FAM120C: variants seen among roughly 807,000 people sequenced by gnomAD.
FAM120C encodes constitutive coactivator of PPAR-gamma-like protein 2.
In FAM120C, 14 loss-of-function variants were observed where a neutral mutation model predicts 71.2. The ratio of observed to expected loss-of-function variants is 0.20; its 90% CI spans 0.13 to 0.31. The LOEUF is 0.31. Among genes scored for constraint, FAM120C ranks in the 10% least tolerant of loss-of-function variants. The pLI, the probability that FAM120C is intolerant of heterozygous loss-of-function variation, is 1.00. For synonymous variants in FAM120C, 354 were observed against 353.2 expected, an observed-to-expected ratio of 1.00 and a Z score of -0.03; for missense variants, 500 against 879.0, an observed-to-expected ratio of 0.57 and a Z score of 5.45.
intron 5 of FAM120C, among the ~76,000 whole-genome samples, chrX:54,136,182 TAG>T (rs1429372629): frequency 1.8e-5 from 2 of 111,286 alleles, no homozygotes; most frequent in Non-Finnish European, 3.8e-5. Flanking sequence ...GTATTTTTCA[TAG>T]AGACGGAGTT....
At chrX:54,098,162 G>A (rs1557123646) in intron 10 of FAM120C, among the ~76,000 whole-genome samples, 1 of 105,703 alleles carries the variant, frequency 9.5e-6, no homozygotes, top group Non-Finnish European at 1.9e-5. Context: ...CTGCCTCAGC[G>A]TCCCAAGTAG....
At position 54,086,927 on chromosome X, in the gene FAM120C, A is replaced by G. The variant is rs111275729; in HGVS notation, c.2637+828T>C. Among the ~76,000 whole-genome samples the G allele has an allele frequency of 3.3e-3, 368 of 110,288 alleles. 4 individuals are homozygous for G. Among genetic ancestry groups the G allele is most frequent in the African/African-American group, 0.012 (353 of 30,383 alleles). On this transcript the variant is annotated intron_variant, in intron 12 of 15. Coordinates refer to ENST00000375180, the MANE Select transcript of FAM120C (RefSeq NM_017848.6). ...CAAAAAACTATGGATAGTGACAAAAAACAGGAGGTGTGCTGGGTAGTCTGC... is the reference window on the plus strand; with the variant it reads ...CAAAAAACTATGGATAGTGACAAAAGACAGGAGGTGTGCTGGGTAGTCTGC...
intron 2 of FAM120C, among the ~76,000 whole-genome samples, chrX:54,158,701 G>A (rs1032314355): frequency 1.8e-5 from 2 of 111,253 alleles, no homozygotes; most frequent in Non-Finnish European, 3.8e-5. Context: ...CCTGGGAGGC[G>A]GAGATTGCAG....
At chrX:54,094,517 T>C (rs1208756537) in intron 10 of FAM120C, among the ~76,000 whole-genome samples, 1 of 109,386 alleles carries the variant, frequency 9.1e-6, no homozygotes, top group African/African-American at 3.3e-5. Context: ...TTGTAATAAG[T>C]AAAGAAGAAA....
intron 13 of FAM120C, among the ~76,000 whole-genome samples, chrX:54,082,537 T>C (rs1557121462): frequency 3.7e-5 from 4 of 109,110 alleles, no homozygotes; most frequent in Admixed American, 9.9e-5. Flanking sequence ...GCCTCCTGAG[T>C]AGCTGGGACT....
At position 54,069,036 on chromosome X, in the gene FAM120C, T is replaced by C. The variant is rs2066699496; in HGVS notation, c.*3997A>G. 8.9e-6 allele frequency: 1 copy of C among 112,110 alleles called. No homozygotes were observed. Among genetic ancestry groups the C allele is most frequent in the Non-Finnish European group, 1.9e-5 (1 of 53,212 alleles). The allele number at this position is 112,110 out of a possible 1,213,427, so 9.2% of individuals were successfully genotyped here. A position where few individuals can be genotyped will look rare whatever the true frequency, so the allele number is the denominator to read the frequency against. On this transcript the variant is annotated 3_prime_UTR_variant, in exon 16 of 16. Transcript: ENST00000375180. ...AAAGTACAGGGGCAATGTCAAAAGC[T>C]GAAATGGGCACCCTAGCACAGGGGA...
chrX:54,089,228 C>T (rs1198047923), intron 11 of FAM120C, among the ~76,000 whole-genome samples: 4 of 111,084 alleles, frequency 3.6e-5, no homozygotes, highest in African/African-American at 1.3e-4. Context: ...TTTTAAGACA[C>T]AGAAAATATG....
intron 9 of FAM120C, among the ~76,000 whole-genome samples, chrX:54,118,724 TTA>T (rs1557127094): frequency 6.8e-5 from 6 of 88,196 alleles, no homozygotes; most frequent in African/African-American, 1.3e-4. Flanking sequence ...TTTTTTTTTT[TTA>T]ATTATACTCT....
At position 54,158,748 on chromosome X, in the gene FAM120C, G is replaced by A. The variant is rs973418613; in HGVS notation, c.946+622C>T. 9.9e-5 allele frequency among the ~76,000 whole-genome samples: 11 copies of A among 111,144 alleles called. 1 individual carries two copies. The East Asian group carries it at 2.5e-3, about 25-fold the overall frequency. The stretch of plus-strand genomic sequence containing the variant: ...CGTGCCACTACACTCCAGCCTGGGC[G>A]ACACAGCGAGACTCTGTCTCAAAAA... On this transcript the variant is annotated intron_variant, in intron 2 of 15. Coordinates refer to ENST00000375180, the MANE Select transcript of FAM120C (RefSeq NM_017848.6).
chrX:54,111,221 CA>C (rs1376389681), intron 10 of FAM120C, among the ~76,000 whole-genome samples: 25 of 109,931 alleles, frequency 2.3e-4, no homozygotes, highest in African/African-American at 7.6e-4. Context: ...ATCCTGTCTC[CA>C]AAAAAAGTAA....
chrX:54,169,843 C>T (rs782740991), intron 1 of FAM120C, among the ~76,000 whole-genome samples: 1 of 112,270 alleles, frequency 8.9e-6, no homozygotes, highest in East Asian at 2.8e-4. Context: ...AAATATGCAT[C>T]ACTACATTGT....
Position 54,070,077 on chromosome X carries a change from C to G in FAM120C, c.*2956G>C. Reference sequence around the variant, plus strand: ...TTCAAGTGGTGAAGCAAAGATCAGACCCCACCTTCCACAATTTGTCCTCCA... The same window carrying G: ...TTCAAGTGGTGAAGCAAAGATCAGAGCCCACCTTCCACAATTTGTCCTCCA... On this transcript the variant is annotated 3_prime_UTR_variant, in exon 16 of 16. Transcript: ENST00000375180. The G allele has an allele frequency of 8.9e-6, 1 of 111,957 alleles. No homozygotes were observed. The highest frequency in any genetic ancestry group is 9.5e-5 in the Admixed American group (1 of 10,493). 9.2% of individuals were successfully genotyped at this position (111,957 alleles called of 1,213,427 possible).
chrX:54,089,930 G>A (rs1603352603), intron 11 of FAM120C, among the ~76,000 whole-genome samples: 1 of 109,456 alleles, frequency 9.1e-6, no homozygotes. Flanking sequence ...CTGCACTCCA[G>A]CCTAGGCAGC....
intron 9 of FAM120C, among the ~76,000 whole-genome samples, chrX:54,125,506 A>T (rs1185058374): frequency 3.6e-5 from 4 of 111,617 alleles, no homozygotes; most frequent in Non-Finnish European, 7.5e-5. Context: ...GGGTCTCTCC[A>T]TGTTGCCCAG....
chrX:54,077,287 G>A (rs1262396519), intron 15 of FAM120C, among the ~76,000 whole-genome samples: 3 of 111,683 alleles, frequency 2.7e-5, no homozygotes, highest in Non-Finnish European at 5.6e-5. Flanking sequence ...AGCATAGCAC[G>A]GGGCTTTGCA....
intron 1 of FAM120C, among the ~76,000 whole-genome samples, chrX:54,176,171 G>A (rs1412450040): frequency 4.5e-5 from 5 of 111,058 alleles, no homozygotes; most frequent in Admixed American, 2.9e-4. Context: ...GGTGGCTCAC[G>A]CCTGTAATCC....
chrX:54,091,321 T>G lies in FAM120C; in HGVS notation c.2418A>C (p.Gln806His). Residue 806 changes from glutamine (Q) to histidine (H), a missense_variant, in exon 11 of 16, where the codon CAA becomes CAC. Physicochemically the swap from Gln to His is conservative, Grantham distance 24. Around this residue, in one of 11 missense-constraint regions of FAM120C, gnomAD observed 104 missense variants for 254.5 expected, o/e 0.41. Coordinates refer to ENST00000375180, the MANE Select transcript of FAM120C (RefSeq NM_017848.6). The part of the protein sequence containing the change: ...STQLYEPDRL[Q>H]ELKIEKLDAR... ...GGGTACATGAACTCACCTTGAGTTCTTGGAGTCGATCTGGTTCATAAAGCT... is the reference window on the plus strand; with the variant it reads ...GGGTACATGAACTCACCTTGAGTTCGTGGAGTCGATCTGGTTCATAAAGCT... The G allele has an allele frequency of 8.3e-7, 1 of 1,198,302 alleles. No individual in the cohort carries two copies. The highest frequency in any genetic ancestry group is 1.1e-6 in the Non-Finnish European group (1 of 883,802).
At chrX:54,132,929 G>C in intron 8 of FAM120C, 66 bp from the exon 9 acceptor site, 2 of 930,898 alleles carry the variant, frequency 2.1e-6, no homozygotes, top group Non-Finnish European at 2.9e-6. Flanking sequence ...ACTGAGCTGA[G>C]AAGAGCCAAT....
At position 54,182,795 on chromosome X, in the gene FAM120C, G is replaced by A; in HGVS notation, c.404C>T (p.Thr135Met). 1 of 1,202,122 alleles carries A rather than the reference G, an allele frequency of 8.3e-7. No individual in the cohort carries two copies. Among genetic ancestry groups the A allele is most frequent in the Non-Finnish European group, 1.1e-6 (1 of 890,662 alleles). ...ALPRLYGGYQTDWVCGGQWNA... is the reference protein window; with the variant it reads ...ALPRLYGGYQMDWVCGGQWNA... ...CCATTGGCCGCCACACACCCAATCCGTCTGGTAGCCGCCATAGAGCCGCGG... is the reference window on the plus strand; with the variant it reads ...CCATTGGCCGCCACACACCCAATCCATCTGGTAGCCGCCATAGAGCCGCGG... Residue 135 changes from threonine (T) to methionine (M), a missense_variant, in exon 1 of 16, where the codon ACG becomes ATG. Transcript: ENST00000375180.
Sources: gnomAD v4.1 joint callset for allele counts (sites outside exome capture counted in the v4.1 genomes callset) on GRCh38, gnomAD v4.1.1 for gene constraint, gnomAD v4.1.1 regional missense constraint, MANE v1.5 for transcripts, NCBI Gene and HGNC (gene_info 2026-07-23, HGNC 2026-07-21) for gene names.